The following ANKRD62 variants were observed in gnomAD, a reference collection of about 807,000 sequenced individuals.
ANKRD62 encodes ankyrin repeat domain 62.
A neutral mutation model predicts 98.8 loss-of-function variants in ANKRD62; 61 were observed. The observed-to-expected ratio is 0.62, with a 90% CI of 0.50 to 0.76. The LOEUF is 0.76. ANKRD62 is among the 30% of genes least tolerant of loss of function. The pLI, the probability that ANKRD62 is intolerant of heterozygous loss-of-function variation, is 0.00. For missense variants in ANKRD62, 933 were observed against 1,082.9 expected (o/e 0.86, Z 1.94); for synonymous variants, 341 against 367.9 (o/e 0.93, Z 0.84).
At chr18:12,139,270 C>T in the ANKRD62 span, among the ~76,000 whole-genome samples, 1 of 152,092 alleles carries the variant, frequency 6.6e-6, no homozygotes, top group Non-Finnish European at 1.5e-5. Flanking sequence ...ATTTGCTTGT[C>T]TGTAAAGTAT....
At chr18:12,109,357 C>T (rs1180825108) in intron 8 of ANKRD62, among the ~76,000 whole-genome samples, 1 of 152,226 alleles carries the variant, frequency 6.6e-6, no homozygotes, top group Non-Finnish European at 1.5e-5. Context: ...TCTAAAGCAA[C>T]AGCCTGAGCT....
chr18:12,127,866 G>A lies in ANKRD62; in HGVS notation c.2681G>A (p.Ser894Asn), dbSNP rs975472977. 2.0e-6 allele frequency: 3 copies of A among 1,524,506 alleles called. No individual in the cohort carries two copies. In the African/African-American group the frequency reaches 4.1e-5, roughly 21 times the overall value. 94.4% of individuals were successfully genotyped at this position (1,524,506 alleles called of 1,614,324 possible). Reference protein sequence around the residue: ...RRINLEDEAQSLKKKLGQMRS... With the variant: ...RRINLEDEAQNLKKKLGQMRS... ...ATTAATTTAGAAGATGAGGCACAAA[G>A]TTTAAAAAAGAAATTAGGCCAGATG... Residue 894 changes from serine to asparagine, a missense_variant, in exon 14 of 14, where the codon AGT becomes AAT. Ser to Asn is a conservative substitution (Grantham distance 46, BLOSUM62 1). Coordinates refer to ENST00000587848, the MANE Select transcript of ANKRD62 (RefSeq NM_001277333.2).
chr18:12,122,130 T>C (rs574934855), intron 10 of ANKRD62, among the ~76,000 whole-genome samples, 173 bp from the exon 11 acceptor site: 351 of 152,376 alleles, frequency 2.3e-3, no homozygotes, highest in Non-Finnish European at 3.2e-3. Context: ...CAAGATCAGA[T>C]GTGTTGTCTG....
At chr18:12,174,611 T>C in the ANKRD62 span, among the ~76,000 whole-genome samples, 2 of 152,320 alleles carry the variant, frequency 1.3e-5, no homozygotes, top group South Asian at 4.1e-4. Context: ...TCACTGGTGT[T>C]TTCTCATCTT....
chr18:12,137,230 G>A, the ANKRD62 span, among the ~76,000 whole-genome samples: 27 of 152,078 alleles, frequency 1.8e-4, no homozygotes, highest in Non-Finnish European at 3.5e-4. Flanking sequence ...CCATCAATAT[G>A]TAATTTATTG....
chr18:12,121,427 G>A (rs1909779244), intron 10 of ANKRD62, among the ~76,000 whole-genome samples: 1 of 151,934 alleles, frequency 6.6e-6, no homozygotes, highest in African/African-American at 2.4e-5. Context: ...TTTTTCTATC[G>A]TGTCCCCTCC....
rs1328177073 is a variant in ANKRD62 at position 12,129,345 on chromosome 18, A to G, written c.*1406A>G. The G allele has an allele frequency of 6.6e-6, 1 of 152,234 alleles. No homozygotes were observed. Among genetic ancestry groups the G allele is most frequent in the Non-Finnish European group, 1.5e-5 (1 of 68,052 alleles). 9.4% of individuals were successfully genotyped at this position (152,234 alleles called of 1,614,324 possible). A position where few individuals can be genotyped will look rare whatever the true frequency, so the allele number is the denominator to read the frequency against. ...TATTATTTGAGACTTTGTGAGCCAT[A>G]AGATCCCTGTTGCAACAACTCAACA... On this transcript the variant is annotated 3_prime_UTR_variant, in exon 14 of 14. Coordinates refer to ENST00000587848, the MANE Select transcript of ANKRD62 (RefSeq NM_001277333.2).
rs1909802140 is a variant in ANKRD62 at position 12,122,477 on chromosome 18, A to C, written c.1415A>C (p.His472Pro). ...ETDKTKSQSE[H>P]QNLQGKKKLC... ...GACAAAACCAAATCACAGTCAGAGC[A>C]TCAGAATCTTCAAGGGAAAAAAAAG... Residue 472 changes from histidine (H) to proline (P), a missense_variant, in exon 11 of 14, where the codon CAT (histidine) becomes CCT (proline). Around this residue, in one of 3 missense-constraint regions of ANKRD62, gnomAD observed 549 missense variants for 587.9 expected, o/e 0.93. Transcript: ENST00000587848. The C allele has an allele frequency of 6.5e-7, 1 of 1,533,134 alleles. No homozygotes were observed. The highest frequency in any genetic ancestry group is 1.4e-5 in the African/African-American group (1 of 72,788). 95.0% of individuals were successfully genotyped at this position (1,533,134 alleles called of 1,614,324 possible).
intron 8 of ANKRD62, among the ~76,000 whole-genome samples, chr18:12,110,940 T>A (rs1374585690): frequency 2.6e-5 from 4 of 152,180 alleles, no homozygotes; most frequent in Non-Finnish European, 4.4e-5. Flanking sequence ...ATCCCTGTGA[T>A]GCAAGGTTGT....
At chr18:12,174,705 G>C in the ANKRD62 span, among the ~76,000 whole-genome samples, 13 of 152,308 alleles carry the variant, frequency 8.5e-5, no homozygotes, top group Middle Eastern at 3.4e-3. Context: ...TTAAGGGTTT[G>C]AGTGTGGTAT....
the ANKRD62 span, among the ~76,000 whole-genome samples, chr18:12,172,401 A>C: frequency 1.3e-5 from 2 of 152,174 alleles, no homozygotes. Flanking sequence ...AGTTTGCTGG[A>C]GGTCCACTCC....
the ANKRD62 span, among the ~76,000 whole-genome samples, chr18:12,173,160 A>T: frequency 3.9e-5 from 6 of 152,330 alleles, no homozygotes; most frequent in African/African-American, 1.4e-4. Context: ...TTGGAAATGC[A>T]GAAATCACCT....
the ANKRD62 span, among the ~76,000 whole-genome samples, chr18:12,136,608 G>T: frequency 6.6e-6 from 1 of 152,106 alleles, no homozygotes; most frequent in African/African-American, 2.4e-5. Flanking sequence ...GATGGGGATG[G>T]CATTGAATCT....
chr18:12,169,359 T>C, the ANKRD62 span, among the ~76,000 whole-genome samples: 12 of 152,154 alleles, frequency 7.9e-5, no homozygotes, highest in African/African-American at 2.9e-4. Flanking sequence ...TGAATTTTGT[T>C]GAAGGCCTTT....
chr18:12,100,029 T>C, intron 6 of ANKRD62, among the ~76,000 whole-genome samples: 1 of 152,194 alleles, frequency 6.6e-6, no homozygotes, highest in East Asian at 1.9e-4. Context: ...TTGGATATTT[T>C]AATTTATAAA....
At chr18:12,094,332 G>A (rs371274749) in intron 1 of ANKRD62, 97 bp downstream of exon 1, 22 of 641,726 alleles carry the variant, frequency 3.4e-5, no homozygotes, top group South Asian at 2.0e-4. Flanking sequence ...GGGTGAAGGC[G>A]TGGGTGGGGT....
At chr18:12,124,014 G>T (rs1909835974) in intron 11 of ANKRD62, 123 bp from the exon 12 acceptor site, 2 of 517,690 alleles carry the variant, frequency 3.9e-6, no homozygotes, top group African/African-American at 4.0e-5. Flanking sequence ...ATCGAAGTGA[G>T]AAATTAACAT....
the ANKRD62 span, among the ~76,000 whole-genome samples, chr18:12,158,454 A>G: frequency 3.9e-5 from 6 of 152,242 alleles, no homozygotes; most frequent in East Asian, 1.2e-3. Context: ...GCAACCTGAA[A>G]AGATATTGCA....
intron 10 of ANKRD62, among the ~76,000 whole-genome samples, chr18:12,119,016 G>T (rs1909727768): frequency 6.6e-6 from 1 of 152,124 alleles, no homozygotes; most frequent in Admixed American, 6.5e-5. Context: ...AGCTGAGTTT[G>T]AATTTCTTTT....
Sources: gnomAD v4.1 joint callset for allele counts (sites outside exome capture counted in the v4.1 genomes callset) on GRCh38, gnomAD v4.1.1 for gene constraint, gnomAD v4.1.1 regional missense constraint, MANE v1.5 for transcripts, NCBI Gene and HGNC (gene_info 2026-07-23, HGNC 2026-07-21) for gene names.